The following NCAM2 variants were observed in gnomAD, a reference collection of about 807,000 sequenced individuals.
NCAM2 encodes the protein N-CAM-2.
Under a neutral mutation model 98.1 loss-of-function variants are expected in NCAM2, and 30 were observed. That is an observed-to-expected ratio of 0.31 (90% CI 0.23 to 0.41). NCAM2 has a LOEUF of 0.41. Ranked by LOEUF, NCAM2 falls within the 10% of genes least tolerant of loss-of-function variation. NCAM2 has a pLI of 1.00. For synonymous variants in NCAM2, 368 were observed against 342.4 expected, an observed-to-expected ratio of 1.07 and a Z score of -0.83; for missense variants, 867 against 1,005.8, an observed-to-expected ratio of 0.86 and a Z score of 1.87.
At chr21:21,090,929 C>A (rs2066000259) in intron 1 of NCAM2, among the ~76,000 whole-genome samples, 1 of 152,158 alleles carries the variant, frequency 6.6e-6, no homozygotes, top group Admixed American at 6.5e-5. Context: ...ACAACCCCAC[C>A]CCTAAATTCT....
intron 1 of NCAM2, among the ~76,000 whole-genome samples, chr21:21,091,419 A>C (rs2066009290): frequency 6.6e-6 from 1 of 152,110 alleles, no homozygotes. Context: ...TTTTTAATTG[A>C]CACACAAAAA....
intron 13 of NCAM2, 25 bp downstream of exon 13, chr21:21,466,750 T>C: frequency 1.9e-6 from 3 of 1,583,424 alleles, no homozygotes; most frequent in Non-Finnish European, 2.6e-6. Flanking sequence ...CTATTTTTTA[T>C]TCTCTTTTGT....
chr21:21,476,863 TC>T (rs1224739900), intron 14 of NCAM2, among the ~76,000 whole-genome samples: 1 of 151,938 alleles, frequency 6.6e-6, no homozygotes, highest in African/African-American at 2.4e-5. Flanking sequence ...TTATCTTTCT[TC>T]CCCCCAAAAA....
chr21:21,186,692 G>C (rs1182348203), intron 1 of NCAM2, among the ~76,000 whole-genome samples: 1 of 152,052 alleles, frequency 6.6e-6, no homozygotes, highest in Non-Finnish European at 1.5e-5. Flanking sequence ...TAGATCCTAT[G>C]CTTGTAATTT....
intron 1 of NCAM2, among the ~76,000 whole-genome samples, chr21:21,204,770 A>G (rs1475232656): frequency 6.6e-6 from 1 of 152,186 alleles, no homozygotes; most frequent in Non-Finnish European, 1.5e-5. Flanking sequence ...CAATTTATTC[A>G]TATCATTGCA....
intron 1 of NCAM2, among the ~76,000 whole-genome samples, chr21:21,002,721 AT>A (rs955636009): frequency 6.6e-6 from 1 of 152,086 alleles, no homozygotes; most frequent in African/African-American, 2.4e-5. Flanking sequence ...AAATTGCCCT[AT>A]TTCCCCCCAA....
At chr21:21,386,236 T>G (rs2076269021) in intron 9 of NCAM2, among the ~76,000 whole-genome samples, 1 of 152,128 alleles carries the variant, frequency 6.6e-6, no homozygotes, top group Admixed American at 6.6e-5. Context: ...ATGAGGTAAA[T>G]AAGATGTGAA....
At chr21:21,355,758 G>A (rs928245558) in intron 8 of NCAM2, among the ~76,000 whole-genome samples, 1 of 151,860 alleles carries the variant, frequency 6.6e-6, no homozygotes, top group South Asian at 2.1e-4. Context: ...TGGGACTACA[G>A]GCGCGTGCCA....
At chr21:21,425,303 A>G (rs536078906) in intron 11 of NCAM2, among the ~76,000 whole-genome samples, 18 of 152,224 alleles carry the variant, frequency 1.2e-4, no homozygotes, top group South Asian at 4.1e-4. Context: ...AATTTCTCCA[A>G]ATATCTAAAA....
chr21:21,005,106 G>T (rs993582674), intron 1 of NCAM2, among the ~76,000 whole-genome samples: 1 of 152,182 alleles, frequency 6.6e-6, no homozygotes, highest in Non-Finnish European at 1.5e-5. Flanking sequence ...GGAAATAGTG[G>T]TGGAAGTGGA....
intron 1 of NCAM2, among the ~76,000 whole-genome samples, chr21:21,241,736 A>G (rs199584014): frequency 0.012 from 1 of 82 alleles, no homozygotes; most frequent in African/African-American, 0.036. Context: ...ACATAATCTG[A>G]GTTTGGACAA....
intron 15 of NCAM2, among the ~76,000 whole-genome samples, chr21:21,495,961 TC>T (rs1439444644): frequency 4.0e-5 from 6 of 149,990 alleles, no homozygotes; most frequent in Admixed American, 2.0e-4. Context: ...ATCTTACTCT[TC>T]CCAATACATT....
chr21:21,413,268 C>G (rs935280512), intron 10 of NCAM2, among the ~76,000 whole-genome samples: 3 of 152,174 alleles, frequency 2.0e-5, no homozygotes, highest in African/African-American at 7.2e-5. Flanking sequence ...TTGTCTGTAT[C>G]TTTGTTTCAT....
chr21:21,062,213 T>C (rs1422683857), intron 1 of NCAM2, among the ~76,000 whole-genome samples: 1 of 152,236 alleles, frequency 6.6e-6, no homozygotes, highest in Non-Finnish European at 1.5e-5. Context: ...ATAAACAAAG[T>C]TGAAGGATAG....
At chr21:21,047,252 G>A (rs2065022572) in intron 1 of NCAM2, among the ~76,000 whole-genome samples, 1 of 152,122 alleles carries the variant, frequency 6.6e-6, no homozygotes, top group Non-Finnish European at 1.5e-5. Context: ...ATATAATTTA[G>A]TGAATTTTGG....
intron 1 of NCAM2, among the ~76,000 whole-genome samples, chr21:21,039,973 C>T (rs376069141): frequency 5.3e-5 from 8 of 152,244 alleles, no homozygotes; most frequent in African/African-American, 1.2e-4. Flanking sequence ...TGAGTAGCTG[C>T]GGATATTTCA....
intron 1 of NCAM2, among the ~76,000 whole-genome samples, chr21:21,156,327 C>G (rs1240636214): frequency 6.6e-6 from 1 of 151,978 alleles, no homozygotes; most frequent in Non-Finnish European, 1.5e-5. Context: ...CACATTCAAA[C>G]ACTGTTGATG....
chr21:21,201,307 A>G (rs1269633794), intron 1 of NCAM2, among the ~76,000 whole-genome samples: 1 of 152,222 alleles, frequency 6.6e-6, no homozygotes, highest in African/African-American at 2.4e-5. Flanking sequence ...CCCCAAGATC[A>G]TGATTTTCAG....
chr21:21,116,092 A>G (rs2066553181), intron 1 of NCAM2, among the ~76,000 whole-genome samples: 2 of 151,796 alleles, frequency 1.3e-5, no homozygotes, highest in African/African-American at 4.8e-5. Context: ...TTGCACATAG[A>G]TGTACAGTTC....
Sources: gnomAD v4.1 joint callset for allele counts (sites outside exome capture counted in the v4.1 genomes callset) on GRCh38, gnomAD v4.1.1 for gene constraint, MANE v1.5 for transcripts, NCBI Gene and HGNC (gene_info 2026-07-23, HGNC 2026-07-21) for gene names.